The following TMOD1 variants were observed in gnomAD, a reference collection of about 807,000 sequenced individuals.
TMOD1 encodes the protein tropomodulin-1.
A neutral mutation model predicts 40.6 loss-of-function variants in TMOD1; 17 were observed. The ratio of observed to expected loss-of-function variants is 0.42; its 90% CI spans 0.29 to 0.63. The LOEUF is 0.63. TMOD1 is among the 20% of genes least tolerant of loss of function. The pLI is 0.22. For synonymous variants in TMOD1, 181 were observed against 175.0 expected (o/e 1.03, Z -0.27); for missense variants, 391 against 447.6 (o/e 0.87, Z 1.14).
At chr9:97,549,190 G>A (rs754727518) in intron 3 of TMOD1, among the ~76,000 whole-genome samples, 6 of 152,194 alleles carry the variant, frequency 3.9e-5, no homozygotes, top group Admixed American at 1.3e-4. Context: ...AGACTTAATC[G>A]AGGAATTTAA....
intron 7 of TMOD1, 101 bp downstream of exon 7, chr9:97,566,056 C>T (rs1227404843): frequency 2.0e-6 from 2 of 1,014,530 alleles, no homozygotes; most frequent in African/African-American, 1.6e-5. Flanking sequence ...TAACAAAGAG[C>T]TCTATGTGGT....
chr9:97,574,199 G>C (rs1041817332), intron 8 of TMOD1, among the ~76,000 whole-genome samples: 1 of 152,162 alleles, frequency 6.6e-6, no homozygotes, highest in Non-Finnish European at 1.5e-5. Flanking sequence ...GGCTCCCTCA[G>C]CTTGCGGGGA....
At position 97,510,057 on chromosome 9, in the gene TMOD1, G is replaced by A. The variant is rs74306820; in HGVS notation, c.-49+8254G>A. Among the ~76,000 whole-genome samples, 1,401 of 151,906 alleles carry A rather than the reference G, an allele frequency of 9.2e-3. 41 individuals carry two copies. In the East Asian group the frequency reaches 0.1, roughly 11 times the overall value. The stretch of plus-strand genomic sequence containing the variant: ...CAAATATATTTTCCCCCAGCTTGCC[G>A]TTTGCTTTTTGGTATTGTTCGTATT... On this transcript the variant is annotated intron_variant, in intron 1 of 9. Coordinates refer to ENST00000259365, the MANE Select transcript of TMOD1 (RefSeq NM_003275.4).
chr9:97,564,601 C>T (rs920119632), intron 6 of TMOD1, among the ~76,000 whole-genome samples: 4 of 152,236 alleles, frequency 2.6e-5, no homozygotes, highest in African/African-American at 7.2e-5. Context: ...CCTGTGCCAT[C>T]GCTGCTGCTA....
At chr9:97,579,128 GC>G (rs1308313810) in intron 8 of TMOD1, among the ~76,000 whole-genome samples, 1 of 152,186 alleles carries the variant, frequency 6.6e-6, no homozygotes, top group Admixed American at 6.5e-5. Flanking sequence ...GCCGTGGCCA[GC>G]TTTCTGAGCC....
intron 2 of TMOD1, among the ~76,000 whole-genome samples, chr9:97,529,493 G>A (rs1024784604): frequency 6.6e-6 from 1 of 151,324 alleles, no homozygotes; most frequent in Non-Finnish European, 1.5e-5. Flanking sequence ...GACTTGGAAA[G>A]CAGCTCTGTT....
intron 2 of TMOD1, among the ~76,000 whole-genome samples, chr9:97,525,463 A>G (rs1011741198): frequency 6.6e-6 from 1 of 152,226 alleles, no homozygotes; most frequent in African/African-American, 2.4e-5. Context: ...TGTAGCTGGT[A>G]TTTATAACTA....
chr9:97,535,390 C>T (rs1395395635), intron 2 of TMOD1, among the ~76,000 whole-genome samples: 3 of 152,260 alleles, frequency 2.0e-5, no homozygotes, highest in South Asian at 4.1e-4. Flanking sequence ...TCTGCTGGGC[C>T]TCTGCTGCAC....
In TMOD1 at chr9:97,528,464, T is replaced by C. The variant is rs576520251; in HGVS notation, c.120+4156T>C. On this transcript the variant is annotated intron_variant, in intron 2 of 9. Coordinates refer to ENST00000259365, the MANE Select transcript of TMOD1 (RefSeq NM_003275.4). ...AAGAGAAGAGAAACCAGAGAGAGGA[T>C]AGGAGATAATGGAGGCCAGTGAGTT... Among the ~76,000 whole-genome samples, 3 of 152,236 alleles carry C rather than the reference T, an allele frequency of 2.0e-5. No individual in the cohort carries two copies. In the South Asian group the frequency reaches 6.2e-4, roughly 32 times the overall value.
At chr9:97,515,334 C>A (rs1274640085) in intron 1 of TMOD1, among the ~76,000 whole-genome samples, 1 of 152,114 alleles carries the variant, frequency 6.6e-6, no homozygotes, top group African/African-American at 2.4e-5. Context: ...GGCTGGAGTG[C>A]AATGGCATGA....
chr9:97,508,745 C>G (rs985906559), intron 1 of TMOD1, among the ~76,000 whole-genome samples: 1 of 152,056 alleles, frequency 6.6e-6, no homozygotes, highest in Non-Finnish European at 1.5e-5. Flanking sequence ...AACAGGGTCC[C>G]CCCCAAAAGT....
At chr9:97,574,418 C>T (rs550920057) in intron 8 of TMOD1, among the ~76,000 whole-genome samples, 164 of 152,358 alleles carry the variant, frequency 1.1e-3, no homozygotes, top group Non-Finnish European at 1.7e-3. Flanking sequence ...CCCCACGGGG[C>T]AGGGCTCGGG....
intron 2 of TMOD1, among the ~76,000 whole-genome samples, chr9:97,532,075 A>G (rs1830110430): frequency 6.6e-6 from 1 of 152,208 alleles, no homozygotes; most frequent in Admixed American, 6.5e-5. Flanking sequence ...GGAAGCAGCC[A>G]AGTTTGGTCC....
intron 1 of TMOD1, among the ~76,000 whole-genome samples, chr9:97,515,565 C>G (rs542080972): frequency 3.3e-5 from 5 of 152,344 alleles, no homozygotes; most frequent in African/African-American, 1.2e-4. Flanking sequence ...CAGGCATGAG[C>G]CACCACGCTC....
intron 4 of TMOD1, among the ~76,000 whole-genome samples, chr9:97,562,093 C>T (rs565471744): frequency 6.6e-6 from 1 of 152,270 alleles, no homozygotes; most frequent in African/African-American, 2.4e-5. Context: ...TGGGGTGGGC[C>T]TCATTACATG....
At chr9:97,595,533 C>CTTTTT (rs71487335) in intron 9 of TMOD1, among the ~76,000 whole-genome samples, 5 of 121,682 alleles carry the variant, frequency 4.1e-5, no homozygotes, top group African/African-American at 1.2e-4. Context: ...AACAAATTTC[C>CTTTTT]TTTTTTTTTT....
intron 7 of TMOD1, among the ~76,000 whole-genome samples, chr9:97,568,585 C>G (rs1587948646): frequency 6.6e-6 from 1 of 152,142 alleles, no homozygotes; most frequent in African/African-American, 2.4e-5. Context: ...TGGGAAAGCA[C>G]CGAGCAGGCA....
At chr9:97,554,889 T>C (rs924558782) in intron 4 of TMOD1, among the ~76,000 whole-genome samples, 58 of 152,152 alleles carry the variant, frequency 3.8e-4, no homozygotes, top group African/African-American at 1.4e-3. Flanking sequence ...AAGACTCAAC[T>C]ATACACAAGG....
intron 1 of TMOD1, among the ~76,000 whole-genome samples, chr9:97,511,068 G>A (rs975659824): frequency 3.6e-4 from 23 of 64,778 alleles, no homozygotes; most frequent in Non-Finnish European, 5.1e-4. Flanking sequence ...GCACCCGCGC[G>A]CGCACACACA....
Sources: allele counts gnomAD v4.1 joint callset (sites outside exome capture counted in the v4.1 genomes callset), GRCh38; gene constraint gnomAD v4.1.1; transcripts MANE v1.5; gene names NCBI Gene and HGNC (gene_info 2026-07-23, HGNC 2026-07-21).